TULP4: variants seen among roughly 807,000 people sequenced by gnomAD.
TULP4 encodes tubby-related protein 4.
TULP4 carries 16 observed loss-of-function variants against 129.0 expected under a neutral mutation model. The ratio of observed to expected loss-of-function variants is 0.12; its 90% CI spans 0.08 to 0.19. The LOEUF is 0.19. Ranked by LOEUF, TULP4 falls within the 10% of genes least tolerant of loss-of-function variation. The pLI is 1.00. For synonymous variants in TULP4, 998 were observed against 854.0 expected, an observed-to-expected ratio of 1.17 and a Z score of -2.94; for missense variants, 1,842 against 2,059.1, an observed-to-expected ratio of 0.89 and a Z score of 2.04.
chr6:158,440,341 A>T (rs1778862134), intron 3 of TULP4, among the ~76,000 whole-genome samples: 1 of 142,886 alleles, frequency 7.0e-6, no homozygotes, highest in Non-Finnish European at 1.6e-5. Flanking sequence ...AAAAAAAAAA[A>T]TCCACAAACC....
At chr6:158,415,051 G>T (rs1032082505) in intron 2 of TULP4, among the ~76,000 whole-genome samples, 2 of 152,194 alleles carry the variant, frequency 1.3e-5, no homozygotes, top group African/African-American at 4.8e-5. Context: ...GCAGAGATGC[G>T]TGTATTCATA....
At position 158,503,966 on chromosome 6, in the gene TULP4, T is replaced by C; in HGVS notation, c.4303T>C (p.Ser1435Pro). 5.0e-6 allele frequency: 8 copies of C among 1,612,818 alleles called. No individual in the cohort carries two copies. The highest frequency in any genetic ancestry group is 1.1e-5 in the South Asian group (1 of 90,992). The change falls in exon 13 of 14, where the codon TCC (serine) becomes CCC (proline). Residue 1435 changes from serine to proline, a missense_variant. By Grantham distance (74) the Ser-to-Pro change is moderately conservative. This residue lies in a region of TULP4 where 1,089 missense variants were observed against 987.1 expected (regional missense o/e 1.10). Transcript: ENST00000367097. The surrounding 1 kb of genome is among the most constrained non-coding windows in gnomAD (Gnocchi z 4.3). ...GSRKGWKSKR[S>P]PRAAGELEEA... ...CAGAAAGGGCTGGAAAAGCAAGCGC[T>C]CCCCACGGGCCGCCGGCGAGCTGGA...
At chr6:158,426,364 A>C (rs940270867) in intron 2 of TULP4, among the ~76,000 whole-genome samples, 8 of 152,176 alleles carry the variant, frequency 5.3e-5, no homozygotes, top group African/African-American at 1.9e-4. Flanking sequence ...GGGTTTTTAC[A>C]TTTAAGTCTT....
intron 6 of TULP4, among the ~76,000 whole-genome samples, chr6:158,471,179 A>G (rs910879420): frequency 6.6e-6 from 1 of 150,600 alleles, no homozygotes; most frequent in Admixed American, 6.6e-5. Flanking sequence ...GCCAAAGCAC[A>G]CACACACTAC....
At chr6:158,418,332 T>A (rs1778260649) in intron 2 of TULP4, among the ~76,000 whole-genome samples, 1 of 151,734 alleles carries the variant, frequency 6.6e-6, no homozygotes, top group South Asian at 2.1e-4. Context: ...GTTCTTGAAC[T>A]CCTGGGCTCA....
intron 1 of TULP4, among the ~76,000 whole-genome samples, chr6:158,264,662 A>G (rs551242433): frequency 6.6e-6 from 1 of 152,242 alleles, no homozygotes; most frequent in East Asian, 1.9e-4. Context: ...TTTCAGCTTT[A>G]AAAGATTTAA....
At chr6:158,332,992 G>T (rs1356310311) in intron 1 of TULP4, among the ~76,000 whole-genome samples, 1 of 151,998 alleles carries the variant, frequency 6.6e-6, no homozygotes, top group East Asian at 1.9e-4. Context: ...TAGAAATCAT[G>T]AATTTACACC....
chr6:158,338,023 C>T (rs185133513), intron 1 of TULP4, among the ~76,000 whole-genome samples: 61 of 152,182 alleles, frequency 4.0e-4, no homozygotes, highest in African/African-American at 1.3e-3. Flanking sequence ...TGACTCTGGC[C>T]GTAGTTATTG....
chr6:158,346,776 T>G (rs1309215810), intron 1 of TULP4, among the ~76,000 whole-genome samples: 4 of 150,828 alleles, frequency 2.7e-5, no homozygotes, highest in Non-Finnish European at 4.4e-5. Flanking sequence ...TTTCCTTTCT[T>G]CCTTCTTGAA....
intron 1 of TULP4, among the ~76,000 whole-genome samples, chr6:158,324,486 C>T (rs936312614): frequency 5.3e-5 from 8 of 152,126 alleles, no homozygotes; most frequent in African/African-American, 1.4e-4. Flanking sequence ...ATTTCGGTTC[C>T]GTAAACATTT....
chr6:158,236,773 T>C (rs1777709529), intron 1 of TULP4, among the ~76,000 whole-genome samples: 1 of 144,802 alleles, frequency 6.9e-6, no homozygotes, highest in South Asian at 2.2e-4. Context: ...GATACCAAGA[T>C]GGGTAAATGC....
At chr6:158,416,777 C>G (rs1359049034) in intron 2 of TULP4, among the ~76,000 whole-genome samples, 1 of 152,224 alleles carries the variant, frequency 6.6e-6, no homozygotes, top group African/African-American at 2.4e-5. Flanking sequence ...AGAGCAACTT[C>G]TAGTCCTGCA....
chr6:158,330,776 A>G (rs1015848701), intron 1 of TULP4, among the ~76,000 whole-genome samples: 1 of 152,202 alleles, frequency 6.6e-6, no homozygotes. Flanking sequence ...TTTAGTTGTT[A>G]GGTATCTTTA....
chr6:158,313,901 G>A lies in TULP4; in HGVS notation c.-116G>A, dbSNP rs1358987874. On this transcript the variant is annotated 5_prime_UTR_variant, in exon 1 of 14. Coordinates refer to ENST00000367097, the MANE Select transcript of TULP4 (RefSeq NM_020245.5). ...TAGATTCAGGTCAGTCTTAATTAAA[G>A]GGGGAAAAAAGCAACGCAAGCCAAC... is the stretch of plus-strand genomic sequence containing the variant. 7.5e-6 allele frequency: 9 copies of A among 1,195,010 alleles called. No homozygotes were observed. The South Asian group carries it at 7.8e-5, about 10-fold the overall frequency. 74.0% of individuals were successfully genotyped at this position (1,195,010 alleles called of 1,614,324 possible). A position where few individuals can be genotyped will look rare whatever the true frequency, so the allele number is the denominator to read the frequency against.
In TULP4 at chr6:158,502,843, C is replaced by T. The variant is rs751222511; in HGVS notation, c.3180C>T (p.Ser1060=). 1.2e-5 allele frequency: 20 copies of T among 1,613,402 alleles called. No homozygotes were observed. In the East Asian group the frequency reaches 3.8e-4, roughly 31 times the overall value. The change falls in exon 13 of 14, where the codon TCC becomes TCT. Residue 1060 remains serine, a synonymous_variant. Coordinates refer to ENST00000367097, the MANE Select transcript of TULP4 (RefSeq NM_020245.5). ...GASLAHTASA[S]PLASQSSYSL... is the part of the protein sequence containing the mutation. Reference sequence around the variant, plus strand: ...CCCTGGCCCATACCGCCAGCGCCTCCCCGTTGGCCTCCCAGTCCTCCTACA... The same window carrying T: ...CCCTGGCCCATACCGCCAGCGCCTCTCCGTTGGCCTCCCAGTCCTCCTACA...
intron 6 of TULP4, among the ~76,000 whole-genome samples, chr6:158,473,005 C>A (rs548312459): frequency 6.6e-6 from 1 of 152,090 alleles, no homozygotes; most frequent in South Asian, 2.1e-4. Flanking sequence ...TAATTTAGGC[C>A]CAGGTTTTTG....
chr6:158,338,879 C>T (rs911345346), intron 1 of TULP4, among the ~76,000 whole-genome samples: 1 of 152,164 alleles, frequency 6.6e-6, no homozygotes, highest in Admixed American at 6.5e-5. Context: ...GAAATGTTGC[C>T]TCACTTTGTT....
intron 5 of TULP4, among the ~76,000 whole-genome samples, chr6:158,456,382 T>G (rs1419278843): frequency 6.6e-6 from 1 of 152,238 alleles, no homozygotes; most frequent in African/African-American, 2.4e-5. Context: ...GTAAACTTTC[T>G]GAAAACATTA....
chr6:158,239,616 G>C (rs1208382387), intron 1 of TULP4, among the ~76,000 whole-genome samples: 4 of 64,836 alleles, frequency 6.2e-5, no homozygotes, highest in African/African-American at 2.1e-4. Context: ...CCTCCCGGAC[G>C]GGGCGGCTGG....
Sources: gnomAD v4.1 joint callset for allele counts (sites outside exome capture counted in the v4.1 genomes callset) on GRCh38, gnomAD v4.1.1 for gene constraint, gnomAD v4.1.1 regional missense constraint, Gnocchi (gnomAD v3.1) non-coding constraint, MANE v1.5 for transcripts, NCBI Gene and HGNC (gene_info 2026-07-23, HGNC 2026-07-21) for gene names.